The following TSPEAR variants were observed in gnomAD, a reference collection of about 807,000 sequenced individuals.
The protein encoded by TSPEAR is thrombospondin type laminin G domain and EAR repeats.
A neutral mutation model predicts 71.6 loss-of-function variants in TSPEAR; 69 were observed. The observed-to-expected ratio is 0.96, with a 90% CI of 0.79 to 1.18. TSPEAR has a LOEUF of 1.18. Ranked by LOEUF, TSPEAR falls within the 50% of genes most tolerant of loss-of-function variation. TSPEAR has a pLI of 0.00. For missense variants in TSPEAR, 971 were observed against 894.9 expected (o/e 1.09, Z -1.09); for synonymous variants, 402 against 387.2 (o/e 1.04, Z -0.45).
intron 1 of TSPEAR, among the ~76,000 whole-genome samples, chr21:44,588,764 T>C (rs1337464410): frequency 8.2e-6 from 1 of 121,930 alleles, no homozygotes; most frequent in East Asian, 2.3e-4. Context: ...TATGTATGTG[T>C]GTATATATAT....
At chr21:44,580,694 T>C (rs1258701552) in intron 1 of TSPEAR, 39 of 1,106,316 alleles carry the variant, frequency 3.5e-5, no homozygotes, top group Non-Finnish European at 5.0e-5. Flanking sequence ...GGCTTTTAAA[T>C]CCCTCCCTGG....
chr21:44,580,634 T>TGTGA, intron 1 of TSPEAR: 1 of 1,529,802 alleles, frequency 6.5e-7, no homozygotes, highest in Non-Finnish European at 8.9e-7. Context: ...TGAGTGAGTG[T>TGTGA]GTGAGTGAGT....
At chr21:44,518,329 C>T (rs907686608) in intron 9 of TSPEAR, 2 of 467,426 alleles carry the variant, frequency 4.3e-6, no homozygotes, top group Non-Finnish European at 8.8e-6. Flanking sequence ...ACGCAGCTGG[C>T]CAGGTACGCT....
At chr21:44,533,540 C>A in intron 3 of TSPEAR, 145 bp downstream of exon 3, 1 of 701,198 alleles carries the variant, frequency 1.4e-6, no homozygotes, top group Non-Finnish European at 2.4e-6. Flanking sequence ...TGGCTCCTGC[C>A]CCTCCACCCC....
chr21:44,509,022 GGAAAGTCCCCAGGCCA>G, intron 10 of TSPEAR, 161 bp downstream of exon 10: 1 of 1,466,916 alleles, frequency 6.8e-7, no homozygotes, highest in African/African-American at 1.4e-5. Context: ...CCCCAGGCCA[GGAAAGTCCCCAGGCCA>G]TTCTTTCCAC....
intron 3 of TSPEAR, 85 bp from the exon 4 acceptor site, chr21:44,531,218 AC>A (rs1338288620): frequency 1.9e-6 from 2 of 1,080,820 alleles, no homozygotes; most frequent in African/African-American, 3.1e-5. Context: ...CAAGCCCCTC[AC>A]TAAGCAGCGT....
chr21:44,557,531 G>A (rs2053552330), intron 2 of TSPEAR, among the ~76,000 whole-genome samples: 1 of 152,224 alleles, frequency 6.6e-6, no homozygotes, highest in Non-Finnish European at 1.5e-5. Flanking sequence ...GAGAGGGGGA[G>A]GAGCTGAGCC....
intron 1 of TSPEAR, chr21:44,646,888 C>T: frequency 2.5e-6 from 4 of 1,613,060 alleles, no homozygotes; most frequent in Non-Finnish European, 3.4e-6. Context: ...CTCCTGCCAG[C>T]CGGCCTGCTG....
In TSPEAR at chr21:44,574,270, C is replaced by T. The variant is rs782820585; in HGVS notation, c.83-6265G>A. 7.5e-6 allele frequency: 12 copies of T among 1,605,032 alleles called. No individual in the cohort carries two copies. Among genetic ancestry groups the T allele is most frequent in the Non-Finnish European group, 8.5e-6 (10 of 1,176,128 alleles). On this transcript the variant is annotated intron_variant, in intron 1 of 11. Coordinates refer to ENST00000323084, the MANE Select transcript of TSPEAR (RefSeq NM_144991.3). ...CCTGTCTGCTCTGGGATTTCCTCTT[C>T]GTGCTGCCAGCAGTCTAGCTGTGTG...
chr21:44,629,449 G>A (rs1983126133), intron 1 of TSPEAR, among the ~76,000 whole-genome samples: 1 of 152,174 alleles, frequency 6.6e-6, no homozygotes, highest in Admixed American at 6.5e-5. Context: ...GTGTGTCTCT[G>A]CCCTCATCTC....
At chr21:44,680,284 A>T (rs920693480) in intron 1 of TSPEAR, among the ~76,000 whole-genome samples, 3 of 151,836 alleles carry the variant, frequency 2.0e-5, no homozygotes, top group East Asian at 1.9e-4. Flanking sequence ...CAGGTATATT[A>T]AAAAAAACTC....
chr21:44,510,188 T>C (rs966772786), intron 9 of TSPEAR, among the ~76,000 whole-genome samples: 10 of 152,040 alleles, frequency 6.6e-5, no homozygotes, highest in African/African-American at 2.4e-4. Context: ...ACCTTGGGGA[T>C]AAGGGTGGTG....
At chr21:44,671,492 A>T in intron 1 of TSPEAR, among the ~76,000 whole-genome samples, 1 of 152,226 alleles carries the variant, frequency 6.6e-6, no homozygotes, top group East Asian at 1.9e-4. Flanking sequence ...GGGGCCTGAG[A>T]TTTGGCCAAC....
chr21:44,655,373 C>T (rs587730137), intron 1 of TSPEAR, among the ~76,000 whole-genome samples: 5 of 152,222 alleles, frequency 3.3e-5, no homozygotes, highest in African/African-American at 9.6e-5. Context: ...TGAACCAGCT[C>T]GGACAGAGAA....
intron 1 of TSPEAR, among the ~76,000 whole-genome samples, chr21:44,650,420 C>CGGCGGCAGAGACTGGGGCCACGTGAT (rs1984709565): frequency 6.7e-6 from 1 of 149,428 alleles, no homozygotes; most frequent in Non-Finnish European, 1.5e-5. Flanking sequence ...CATGTGACGA[C>CGGCGGCAGAGACTGGGGCCACGTGAT]GGCGGCAGAG....
intron 8 of TSPEAR, among the ~76,000 whole-genome samples, chr21:44,523,849 CAGTT>C (rs1260633119): frequency 6.6e-6 from 1 of 150,946 alleles, no homozygotes; most frequent in Non-Finnish European, 1.5e-5. Flanking sequence ...GTCAGCCAGT[CAGTT>C]CAGTGGCTAG....
chr21:44,580,112 G>C, intron 1 of TSPEAR: 2 of 1,613,760 alleles, frequency 1.2e-6, no homozygotes, highest in African/African-American at 1.3e-5. Context: ...CTGGCAGCTA[G>C]AATGCTGGCA....
At position 44,585,584 on chromosome 21, in the gene TSPEAR, T is replaced by C. The variant is rs146426276; in HGVS notation, c.83-17579A>G. ...GGCTTCATCTCTTTGTCCTTCTGCA[T>C]TGGGTTTCGGTCATTTTCTGAACTG... On this transcript the variant is annotated intron_variant, in intron 1 of 11. Coordinates refer to ENST00000323084, the MANE Select transcript of TSPEAR (RefSeq NM_144991.3). Among the ~76,000 whole-genome samples the C allele has an allele frequency of 1.1e-4, 16 of 152,288 alleles. No individual in the cohort carries two copies. The East Asian group carries it at 2.7e-3, about 26-fold the overall frequency.
At chr21:44,647,083 T>C (rs782291466) in intron 1 of TSPEAR, 2 of 1,613,600 alleles carry the variant, frequency 1.2e-6, no homozygotes, top group East Asian at 2.2e-5. Flanking sequence ...GCCTGTCTGC[T>C]CTAGGGCTTC....
Sources: gnomAD v4.1 joint callset for allele counts (sites outside exome capture counted in the v4.1 genomes callset) on GRCh38, gnomAD v4.1.1 for gene constraint, MANE v1.5 for transcripts, NCBI Gene and HGNC (gene_info 2026-07-23, HGNC 2026-07-21) for gene names.